Variants in CSMD1 observed in about 807,000 individuals in gnomAD.
CSMD1 encodes the protein CUB and sushi domain-containing protein 1.
CSMD1 carries 213 observed loss-of-function variants against 417.5 expected under a neutral mutation model. The ratio of observed to expected loss-of-function variants is 0.51; its 90% CI spans 0.46 to 0.57. The LOEUF is 0.57. CSMD1 is among the 20% of genes least tolerant of loss of function. CSMD1 has a pLI of 0.00. For missense variants in CSMD1, 6,923 were observed against 4,529.7 expected (o/e 1.53, Z -15.17); for synonymous variants, 2,862 against 1,736.8 (o/e 1.65, Z -16.11).
intron 3 of CSMD1, among the ~76,000 whole-genome samples, chr8:4,225,041 G>A (rs893062707): frequency 6.6e-6 from 1 of 152,168 alleles, no homozygotes; most frequent in Non-Finnish European, 1.5e-5. Context: ...GAACCCTAGA[G>A]GCAGAGGTTG....
At chr8:3,457,218 C>A (rs1482055098) in intron 12 of CSMD1, among the ~76,000 whole-genome samples, 1 of 151,906 alleles carries the variant, frequency 6.6e-6, no homozygotes, top group African/African-American at 2.4e-5. Context: ...CTCATCCTGC[C>A]CTCCTCACTG....
At chr8:4,975,010 T>C (rs1195780441) in intron 1 of CSMD1, among the ~76,000 whole-genome samples, 1 of 152,176 alleles carries the variant, frequency 6.6e-6, no homozygotes, top group Non-Finnish European at 1.5e-5. Context: ...GATGTTTTTT[T>C]CTAGAGCTCT....
At chr8:2,988,658 C>A (rs926847228) in intron 54 of CSMD1, among the ~76,000 whole-genome samples, 1 of 152,204 alleles carries the variant, frequency 6.6e-6, no homozygotes, top group African/African-American at 2.4e-5. Flanking sequence ...TAAATTATTT[C>A]ATCCAGAAAG....
rs974222708 is a variant in CSMD1 at position 2,936,603 on chromosome 8, G to C, written c.*1982C>G. 6.6e-6 allele frequency: 1 copy of C among 152,134 alleles called. No homozygotes were observed. The highest frequency in any genetic ancestry group is 2.4e-5 in the African/African-American group (1 of 41,408). 9.4% of individuals were successfully genotyped at this position (152,134 alleles called of 1,614,324 possible). ...GTGGGCAGGTTGGCCAGGGAAAACTGTGCAGAGAATTCAGCATAATGATAC... is the reference window on the plus strand; with the variant it reads ...GTGGGCAGGTTGGCCAGGGAAAACTCTGCAGAGAATTCAGCATAATGATAC... On this transcript the variant is annotated 3_prime_UTR_variant, in exon 70 of 70. Transcript: ENST00000635120.
At chr8:4,309,296 G>A (rs546198973) in intron 3 of CSMD1, among the ~76,000 whole-genome samples, 1 of 151,936 alleles carries the variant, frequency 6.6e-6, no homozygotes, top group African/African-American at 2.4e-5. Flanking sequence ...CAATATAATT[G>A]CACTGTCTAT....
At chr8:4,619,120 C>T (rs1385277307) in intron 2 of CSMD1, among the ~76,000 whole-genome samples, 3 of 152,192 alleles carry the variant, frequency 2.0e-5, no homozygotes, top group African/African-American at 7.2e-5. Flanking sequence ...TTTCTCTAGT[C>T]TTTTGCCCTA....
At chr8:4,178,722 C>G (rs185988256) in intron 3 of CSMD1, among the ~76,000 whole-genome samples, 160 of 152,304 alleles carry the variant, frequency 1.1e-3, no homozygotes, top group Admixed American at 4.1e-3. Context: ...TGATAGGCAA[C>G]TTCAGCAAAG....
chr8:3,091,910 G>C (rs895624913), intron 47 of CSMD1, among the ~76,000 whole-genome samples: 4 of 152,054 alleles, frequency 2.6e-5, no homozygotes, highest in African/African-American at 4.8e-5. Flanking sequence ...AATAAGCCTT[G>C]TCTATAAAAC....
intron 5 of CSMD1, among the ~76,000 whole-genome samples, chr8:3,810,553 C>T (rs556647997): frequency 7.2e-5 from 11 of 152,180 alleles, no homozygotes; most frequent in African/African-American, 1.2e-4. Context: ...TGTAATCAAC[C>T]GAGGGTCAGT....
chr8:4,046,277 T>C (rs1356815762), intron 3 of CSMD1, among the ~76,000 whole-genome samples: 1 of 152,212 alleles, frequency 6.6e-6, no homozygotes, highest in Non-Finnish European at 1.5e-5. Context: ...AATTCTTGGC[T>C]GTTTCTCAGT....
chr8:4,362,696 T>C (rs1159715699), intron 3 of CSMD1, among the ~76,000 whole-genome samples: 3 of 152,340 alleles, frequency 2.0e-5, no homozygotes, highest in Admixed American at 6.5e-5. Flanking sequence ...GGATGACTGA[T>C]AAGATTTGTA....
chr8:4,655,133 A>G (rs1481629585), intron 1 of CSMD1, among the ~76,000 whole-genome samples: 1 of 152,034 alleles, frequency 6.6e-6, no homozygotes, highest in Non-Finnish European at 1.5e-5. Flanking sequence ...TTGTCTTACT[A>G]AGACAGTTTT....
chr8:3,010,393 C>A (rs1397243320), intron 52 of CSMD1, among the ~76,000 whole-genome samples: 2 of 152,180 alleles, frequency 1.3e-5, no homozygotes, highest in African/African-American at 4.8e-5. Flanking sequence ...CAGCTCAAAA[C>A]CTGCCCTAGA....
At chr8:3,730,298 G>A (rs4350006) in intron 6 of CSMD1, among the ~76,000 whole-genome samples, 1 of 151,128 alleles carries the variant, frequency 6.6e-6, no homozygotes, top group Non-Finnish European at 1.5e-5. Flanking sequence ...CCCTGACTCA[G>A]CCATTCCTTC....
chr8:3,484,055 T>A (rs1176564199), intron 11 of CSMD1, among the ~76,000 whole-genome samples: 1 of 152,234 alleles, frequency 6.6e-6, no homozygotes, highest in African/African-American at 2.4e-5. Flanking sequence ...TATACATTGC[T>A]GGGAGTATAC....
intron 26 of CSMD1, among the ~76,000 whole-genome samples, chr8:3,256,382 CAGT>C (rs952355881): frequency 2.3e-4 from 35 of 151,814 alleles, no homozygotes; most frequent in African/African-American, 7.7e-4. Context: ...GTAACAATGG[CAGT>C]AGGCAGACAC....
At chr8:4,356,590 T>C (rs2128904756) in intron 3 of CSMD1, among the ~76,000 whole-genome samples, 1 of 152,324 alleles carries the variant, frequency 6.6e-6, no homozygotes, top group Admixed American at 6.5e-5. Flanking sequence ...TTTTTACCTC[T>C]ATCCTGTAAG....
At chr8:3,275,030 TC>T (rs1802170916) in intron 26 of CSMD1, among the ~76,000 whole-genome samples, 1 of 150,850 alleles carries the variant, frequency 6.6e-6, no homozygotes, top group Non-Finnish European at 1.5e-5. Flanking sequence ...GCCTTGATGG[TC>T]TTTACAATTT....
At chr8:4,780,282 C>A (rs1480983325) in intron 1 of CSMD1, among the ~76,000 whole-genome samples, 1 of 152,176 alleles carries the variant, frequency 6.6e-6, no homozygotes, top group African/African-American at 2.4e-5. Flanking sequence ...TGAGCCCAGG[C>A]TTTGTCTCTG....
Sources: allele counts gnomAD v4.1 joint callset (sites outside exome capture counted in the v4.1 genomes callset), GRCh38; gene constraint gnomAD v4.1.1; transcripts MANE v1.5; gene names NCBI Gene and HGNC (gene_info 2026-07-23, HGNC 2026-07-21).